The following IL1RAPL2 variants were observed in gnomAD, a reference collection of about 807,000 sequenced individuals.
IL1RAPL2 encodes X-linked interleukin-1 receptor accessory protein-like 2.
A neutral mutation model predicts 44.1 loss-of-function variants in IL1RAPL2; 3 were observed. The observed-to-expected ratio is 0.07, with a 90% CI of 0.03 to 0.18. IL1RAPL2 has a LOEUF of 0.18. Ranked by LOEUF, IL1RAPL2 falls within the 10% of genes least tolerant of loss-of-function variation. The pLI is 1.00. For missense variants in IL1RAPL2, 391 were observed against 496.4 expected, an observed-to-expected ratio of 0.79 and a Z score of 2.02; for synonymous variants, 181 against 178.8, an observed-to-expected ratio of 1.01 and a Z score of -0.10.
At chrX:105,211,890 C>T (rs913514069) in intron 3 of IL1RAPL2, among the ~76,000 whole-genome samples, 10 of 111,797 alleles carry the variant, frequency 8.9e-5, no homozygotes, top group Admixed American at 1.9e-4. Flanking sequence ...GGATCTCACT[C>T]GCCAAGCCAA....
chrX:104,623,302 T>C (rs1189987199), intron 1 of IL1RAPL2, among the ~76,000 whole-genome samples: 3 of 110,518 alleles, frequency 2.7e-5, no homozygotes, highest in Admixed American at 9.8e-5. Flanking sequence ...TCATCCCATA[T>C]TGAATATACA....
intron 6 of IL1RAPL2, among the ~76,000 whole-genome samples, chrX:105,693,072 C>A (rs2038048538): frequency 9.0e-6 from 1 of 111,422 alleles, no homozygotes; most frequent in African/African-American, 3.3e-5. Flanking sequence ...TCTCTATACC[C>A]ATGGGTTTTC....
chrX:105,464,674 T>C (rs146563340), intron 5 of IL1RAPL2, among the ~76,000 whole-genome samples: 82 of 112,019 alleles, frequency 7.3e-4, no homozygotes, highest in African/African-American at 2.5e-3. Context: ...GGACAGATAC[T>C]AAGATCGTGT....
intron 2 of IL1RAPL2, among the ~76,000 whole-genome samples, chrX:105,176,716 G>A (rs762489170): frequency 1.0e-4 from 11 of 110,480 alleles, no homozygotes; most frequent in African/African-American, 3.6e-4. Flanking sequence ...TGCTTCTGGG[G>A]GCAAGCAAGG....
intron 2 of IL1RAPL2, among the ~76,000 whole-genome samples, chrX:104,918,606 CT>C (rs1485964836): frequency 3.6e-5 from 4 of 112,100 alleles, no homozygotes; most frequent in African/African-American, 1.3e-4. Context: ...ACTTCTGTTG[CT>C]AACTTAGTTA....
At chrX:105,374,115 CA>C (rs1177602549) in intron 5 of IL1RAPL2, among the ~76,000 whole-genome samples, 1,334 of 45,341 alleles carry the variant, frequency 0.029, 25 homozygotes, top group South Asian at 0.057. Context: ...GCAAGACTGT[CA>C]AAAAAAAAAA....
intron 2 of IL1RAPL2, among the ~76,000 whole-genome samples, chrX:104,678,090 C>G (rs1403608426): frequency 8.9e-6 from 1 of 112,751 alleles, no homozygotes; most frequent in Non-Finnish European, 1.9e-5. Context: ...TAGACCAGAG[C>G]TGTTCCTATT....
intron 1 of IL1RAPL2, among the ~76,000 whole-genome samples, chrX:104,595,156 A>C (rs1418009683): frequency 9.0e-6 from 1 of 111,709 alleles, no homozygotes; most frequent in Non-Finnish European, 1.9e-5. Context: ...GAGAGATGGT[A>C]GTCACCTCAA....
chrX:105,489,759 TC>T (rs1423735759), intron 6 of IL1RAPL2, among the ~76,000 whole-genome samples: 2 of 85,160 alleles, frequency 2.3e-5, no homozygotes. Flanking sequence ...TCTTTCTTTC[TC>T]TTTCTTTCTT....
At chrX:104,891,896 G>A (rs183710494) in intron 2 of IL1RAPL2, among the ~76,000 whole-genome samples, 41 of 111,453 alleles carry the variant, frequency 3.7e-4, no homozygotes, top group African/African-American at 1.1e-3. Context: ...AATGCTTCCA[G>A]TTTTTGCCCA....
chrX:104,660,808 A>C (rs1038799717), intron 2 of IL1RAPL2, among the ~76,000 whole-genome samples: 1 of 108,053 alleles, frequency 9.3e-6, no homozygotes, highest in East Asian at 3.0e-4. Context: ...TGTGGTGCAC[A>C]CCTGTAGTCC....
At chrX:105,154,051 T>A (rs1020103719) in intron 2 of IL1RAPL2, among the ~76,000 whole-genome samples, 3 of 111,875 alleles carry the variant, frequency 2.7e-5, no homozygotes, top group African/African-American at 9.7e-5. Context: ...AATATTTTGA[T>A]TTCCTTCAGG....
intron 1 of IL1RAPL2, among the ~76,000 whole-genome samples, chrX:104,643,471 G>T (rs1319662754): frequency 9.0e-6 from 1 of 111,611 alleles, no homozygotes; most frequent in Non-Finnish European, 1.9e-5. Context: ...TCTCCCATTG[G>T]TTCATTTTCA....
At chrX:104,648,592 A>T (rs1930091739) in intron 1 of IL1RAPL2, among the ~76,000 whole-genome samples, 1 of 112,052 alleles carries the variant, frequency 8.9e-6, no homozygotes, top group South Asian at 3.7e-4. Flanking sequence ...AAATTGAGTA[A>T]GACTCATTGA....
intron 10 of IL1RAPL2, among the ~76,000 whole-genome samples, chrX:105,764,637 TA>T (rs2038714821): frequency 9.1e-6 from 1 of 110,391 alleles, no homozygotes; most frequent in South Asian, 3.9e-4. Flanking sequence ...CCCACCTCTA[TA>T]AAAAATAATA....
intron 2 of IL1RAPL2, among the ~76,000 whole-genome samples, chrX:105,002,974 G>C (rs577126967): frequency 1.8e-5 from 2 of 111,260 alleles, no homozygotes; most frequent in Admixed American, 1.9e-4. Context: ...AAAGAAATGG[G>C]TTAACTGTTT....
intron 6 of IL1RAPL2, among the ~76,000 whole-genome samples, chrX:105,672,000 G>A (rs895313625): frequency 3.6e-5 from 4 of 110,999 alleles, no homozygotes; most frequent in Admixed American, 9.6e-5. Context: ...TTTTCATTTC[G>A]TTCTTTATAT....
intron 5 of IL1RAPL2, among the ~76,000 whole-genome samples, chrX:105,339,772 A>G (rs1368840819): frequency 1.8e-5 from 2 of 111,650 alleles, no homozygotes; most frequent in African/African-American, 3.3e-5. Flanking sequence ...GACAATATAC[A>G]TAGAACGAAA....
At chrX:105,300,396 C>T (rs2034687617) in intron 5 of IL1RAPL2, among the ~76,000 whole-genome samples, 1 of 110,219 alleles carries the variant, frequency 9.1e-6, no homozygotes. Flanking sequence ...CTACATATTT[C>T]TAAATAGCCA....
Sources: gnomAD v4.1 joint callset for allele counts (sites outside exome capture counted in the v4.1 genomes callset) on GRCh38, gnomAD v4.1.1 for gene constraint, MANE v1.5 for transcripts, NCBI Gene and HGNC (gene_info 2026-07-23, HGNC 2026-07-21) for gene names.